The following SRGAP2B variants were observed in gnomAD, a reference collection of about 807,000 sequenced individuals.
The protein encoded by SRGAP2B is SLIT-ROBO Rho GTPase-activating protein 2B.
A neutral mutation model predicts 22.2 loss-of-function variants in SRGAP2B; 9 were observed. The observed-to-expected ratio is 0.41, with a 90% CI of 0.24 to 0.71. The LOEUF (loss-of-function observed/expected upper bound fraction) is 0.71. Among genes scored for constraint, SRGAP2B ranks in the 30% least tolerant of loss-of-function variants. The pLI is 0.35. For missense variants in SRGAP2B, 114 were observed against 235.8 expected (o/e 0.48, Z 3.38); for synonymous variants, 36 against 87.4 (o/e 0.41, Z 3.28).
At chr1:144,997,405 T>C (rs1670775154) in intron 2 of SRGAP2B, among the ~76,000 whole-genome samples, 1 of 150,612 alleles carries the variant, frequency 6.6e-6, no homozygotes, top group Admixed American at 6.6e-5. Flanking sequence ...CACTCCAGCC[T>C]GGGCGACAGA....
intron 2 of SRGAP2B, among the ~76,000 whole-genome samples, chr1:145,005,356 AAC>A: frequency 6.6e-6 from 1 of 152,112 alleles, no homozygotes; most frequent in Non-Finnish European, 1.5e-5. Flanking sequence ...TCAAGGCTCC[AAC>A]ACAATCGAGT....
intron 4 of SRGAP2B, among the ~76,000 whole-genome samples, chr1:144,934,400 T>C (rs1365664898): frequency 1.1e-5 from 1 of 89,000 alleles, no homozygotes; most frequent in Non-Finnish European, 1.9e-5. Context: ...CAAAACTCCA[T>C]CTCAAAAAAA....
intron 3 of SRGAP2B, among the ~76,000 whole-genome samples, chr1:144,967,347 C>A (rs1668162661): frequency 1.4e-5 from 1 of 71,760 alleles, no homozygotes; most frequent in Non-Finnish European, 2.6e-5. Flanking sequence ...TCACTCAAAG[C>A]CGCTCAACTA....
In SRGAP2B at chr1:145,023,080, A is replaced by G. The variant is rs587680206; in HGVS notation, c.68-27880T>C. 1.5e-3 allele frequency among the ~76,000 whole-genome samples: 219 copies of G among 149,142 alleles called. 9 individuals are homozygous for G. The highest frequency in any genetic ancestry group is 2.4e-3 in the Non-Finnish European group (164 of 67,562). On this transcript the variant is annotated intron_variant, in intron 2 of 9. Coordinates refer to ENST00000612199, the Ensembl canonical transcript of SRGAP2B. Reference sequence around the variant, plus strand: ...CTTGGGAGGCTGAGGCAGGAGAATCACTTGAACCCGGGAGAGGCGGAGGTT... The same window carrying G: ...CTTGGGAGGCTGAGGCAGGAGAATCGCTTGAACCCGGGAGAGGCGGAGGTT...
chr1:145,041,076 T>C (rs1649181028), intron 2 of SRGAP2B, among the ~76,000 whole-genome samples: 1 of 8,044 alleles, frequency 1.2e-4, no homozygotes, highest in African/African-American at 2.2e-3. Context: ...ATATATATAG[T>C]ATATATATAT....
chr1:145,017,246 A>G (rs1181093489), intron 2 of SRGAP2B, among the ~76,000 whole-genome samples: 1 of 149,690 alleles, frequency 6.7e-6, no homozygotes, highest in Non-Finnish European at 1.5e-5. Context: ...TCTTATTACT[A>G]TGTTTGCCAG....
At chr1:144,992,302 C>T (rs1553617397) in intron 3 of SRGAP2B, among the ~76,000 whole-genome samples, 1 of 151,014 alleles carries the variant, frequency 6.6e-6, no homozygotes, top group African/African-American at 2.5e-5. Context: ...TTCTTGAAGT[C>T]AGTGAGACCA....
At chr1:144,991,523 G>A (rs1277928423) in intron 3 of SRGAP2B, among the ~76,000 whole-genome samples, 2 of 144,554 alleles carry the variant, frequency 1.4e-5, no homozygotes, top group African/African-American at 2.6e-5. Flanking sequence ...CAAGATTTGT[G>A]AGTGCACCAA....
chr1:144,970,645 T>TAA (rs782116324), intron 3 of SRGAP2B, among the ~76,000 whole-genome samples: 1,648 of 128,380 alleles, frequency 0.013, 32 homozygotes, highest in African/African-American at 0.038. Context: ...CTTAAAGTAT[T>TAA]AAAAAAAAAA....
intron 4 of SRGAP2B, among the ~76,000 whole-genome samples, chr1:144,950,751 G>A (rs1666793943): frequency 6.7e-6 from 1 of 150,144 alleles, no homozygotes; most frequent in Non-Finnish European, 1.5e-5. Flanking sequence ...AACATACTTA[G>A]AGAATCCTAA....
chr1:144,952,509 T>C (rs1666950453), intron 4 of SRGAP2B, among the ~76,000 whole-genome samples: 1 of 150,386 alleles, frequency 6.6e-6, no homozygotes, highest in South Asian at 2.1e-4. Context: ...TCAATTTTTT[T>C]TTTTTTAGGA....
chr1:144,933,317 C>T (rs1665350045), intron 4 of SRGAP2B, among the ~76,000 whole-genome samples: 1 of 150,164 alleles, frequency 6.7e-6, no homozygotes, highest in Non-Finnish European at 1.5e-5. Context: ...GTTTAATCAG[C>T]TCACATCAGC....
At chr1:144,907,114 G>C (rs1335642398) in intron 5 of SRGAP2B, among the ~76,000 whole-genome samples, 1 of 148,546 alleles carries the variant, frequency 6.7e-6, no homozygotes, top group African/African-American at 2.6e-5. Context: ...GAGAATTAGA[G>C]AGTAGAAGTT....
intron 3 of SRGAP2B, among the ~76,000 whole-genome samples, chr1:144,958,988 T>C (rs1667480479): frequency 6.8e-6 from 1 of 147,904 alleles, no homozygotes; most frequent in East Asian, 2.0e-4. Context: ...AAAGAATCAC[T>C]GTATGCCTTG....
intron 4 of SRGAP2B, among the ~76,000 whole-genome samples, chr1:144,950,335 G>A (rs1473918082): frequency 7.3e-6 from 1 of 136,986 alleles, no homozygotes; most frequent in Non-Finnish European, 1.5e-5. Context: ...ATATGTCCCA[G>A]CAGACATTAC....
intron 4 of SRGAP2B, among the ~76,000 whole-genome samples, chr1:144,943,941 C>T (rs1553607910): frequency 6.6e-6 from 1 of 150,536 alleles, no homozygotes; most frequent in Non-Finnish European, 1.5e-5. Context: ...ATTTGGCATT[C>T]AAAGCCTGCC....
At chr1:145,048,509 GAA>G (rs1302640458) in intron 2 of SRGAP2B, among the ~76,000 whole-genome samples, 1 of 113,516 alleles carries the variant, frequency 8.8e-6, no homozygotes, top group Non-Finnish European at 1.9e-5. Context: ...AGACTGGAGA[GAA>G]AATTGTCAAC....
chr1:144,934,099 G>A lies in SRGAP2B; in HGVS notation c.424-19345C>T, dbSNP rs1170103788. 1.9e-4 allele frequency among the ~76,000 whole-genome samples: 29 copies of A among 149,152 alleles called. No individual in the cohort carries two copies. The East Asian group carries it at 5.9e-3, about 30-fold the overall frequency. On this transcript the variant is annotated intron_variant, in intron 4 of 9. Transcript: ENST00000612199. ...ACCTACAATATGTTTAATAAAGTCAGCTATTCTTAGAAGAGCAACCCAGGG... is the reference window on the plus strand; with the variant it reads ...ACCTACAATATGTTTAATAAAGTCAACTATTCTTAGAAGAGCAACCCAGGG...
intron 4 of SRGAP2B, among the ~76,000 whole-genome samples, chr1:144,948,994 A>G: frequency 2.3e-5 from 1 of 43,564 alleles, no homozygotes; most frequent in South Asian, 8.5e-4. Flanking sequence ...GTCTTTGTTT[A>G]GACATATGCT....
Sources: gnomAD v4.1 joint callset for allele counts (sites outside exome capture counted in the v4.1 genomes callset) on GRCh38, gnomAD v4.1.1 for gene constraint, MANE v1.5 for transcripts, NCBI Gene and HGNC (gene_info 2026-07-23, HGNC 2026-07-21) for gene names.